Variants in VAV3 observed in about 807,000 individuals in gnomAD.
VAV3 encodes guanine nucleotide exchange factor VAV3.
VAV3 carries 94 observed loss-of-function variants against 131.2 expected under a neutral mutation model. The ratio of observed to expected loss-of-function variants is 0.72; its 90% CI spans 0.61 to 0.85. The LOEUF (loss-of-function observed/expected upper bound fraction) is 0.85, where lower values mean the gene tolerates loss of function less well. VAV3 is among the 40% of genes least tolerant of loss of function. The pLI is 0.00. For synonymous variants in VAV3, 349 were observed against 342.0 expected (o/e 1.02, Z -0.22); for missense variants, 939 against 1,002.7 (o/e 0.94, Z 0.86).
chr1:107,654,441 A>T (rs6672373), intron 19 of VAV3, among the ~76,000 whole-genome samples: 33,321 of 151,996 alleles, frequency 0.22, 3,719 homozygotes, highest in Middle Eastern at 0.28. Context: ...AATTTAAGGC[A>T]TTATCCTATA....
At chr1:107,788,652 C>T (rs1666138567) in intron 2 of VAV3, among the ~76,000 whole-genome samples, 1 of 152,176 alleles carries the variant, frequency 6.6e-6, no homozygotes, top group South Asian at 2.1e-4. Flanking sequence ...AAACCTGGAA[C>T]TCATCCATGC....
chr1:107,728,623 ATG>A (rs1491406150), intron 15 of VAV3, among the ~76,000 whole-genome samples: 2 of 103,432 alleles, frequency 1.9e-5, no homozygotes, highest in Non-Finnish European at 4.6e-5. Context: ...GTATATGTAT[ATG>A]TATATGTATA....
At chr1:107,841,298 T>C (rs1571026670) in intron 2 of VAV3, among the ~76,000 whole-genome samples, 1 of 149,362 alleles carries the variant, frequency 6.7e-6, no homozygotes, top group East Asian at 2.0e-4. Flanking sequence ...AAGGGGGGGG[T>C]AGAAAAAGAA....
intron 15 of VAV3, among the ~76,000 whole-genome samples, chr1:107,729,838 C>T (rs1044230975): frequency 3.3e-5 from 5 of 152,132 alleles, no homozygotes; most frequent in East Asian, 1.9e-4. Flanking sequence ...CCATAACAAA[C>T]GATAAAGAGT....
chr1:107,716,888 A>T (rs576897560), intron 15 of VAV3, among the ~76,000 whole-genome samples: 1 of 152,250 alleles, frequency 6.6e-6, no homozygotes, highest in Non-Finnish European at 1.5e-5. Flanking sequence ...TTGGTTGGTA[A>T]GCTATTAATT....
chr1:107,963,140 G>C (rs748709134), intron 1 of VAV3, among the ~76,000 whole-genome samples: 2 of 152,158 alleles, frequency 1.3e-5, no homozygotes, highest in East Asian at 3.9e-4. Context: ...CGTGATTATT[G>C]AGAGCAACTG....
At chr1:107,645,928 G>A (rs1207848918) in intron 19 of VAV3, among the ~76,000 whole-genome samples, 1 of 152,008 alleles carries the variant, frequency 6.6e-6, no homozygotes, top group African/African-American at 2.4e-5. Context: ...CTCAGTCATT[G>A]TTGCAGAGTT....
intron 20 of VAV3, among the ~76,000 whole-genome samples, chr1:107,638,363 CA>C (rs1249342147): frequency 6.6e-6 from 1 of 152,008 alleles, no homozygotes; most frequent in Non-Finnish European, 1.5e-5. Flanking sequence ...GATCAACATA[CA>C]AAAATCAATT....
chr1:107,601,097 C>A (rs1279640245), intron 24 of VAV3, among the ~76,000 whole-genome samples: 2 of 152,074 alleles, frequency 1.3e-5, no homozygotes, highest in African/African-American at 2.4e-5. Context: ...ATTTGTGCAT[C>A]CACTTGCCAC....
intron 25 of VAV3, among the ~76,000 whole-genome samples, chr1:107,577,976 T>C (rs1649771612): frequency 6.6e-6 from 1 of 152,224 alleles, no homozygotes; most frequent in South Asian, 2.1e-4. Context: ...TCTTCCAATA[T>C]ATTCTGCCTC....
chr1:107,574,082 C>T lies in VAV3; in HGVS notation c.2467G>A (p.Ala823Thr). The part of the protein sequence containing the change: ...DVVKIYTKMS[A>T]NGWWRGEVNG... ...ACTTCTCCTCTCCACCAGCCATTTG[C>T]ACTCATCTTTGTGTAAATCTTCACC... The change falls in exon 26 of 27, where the codon GCA (alanine) becomes ACA (threonine). Residue 823 changes from alanine to threonine, a missense_variant. By Grantham distance (58) the Ala-to-Thr change is moderately conservative. Transcript: ENST00000370056. 3 of 1,614,174 alleles carry T rather than the reference C, an allele frequency of 1.9e-6. No homozygotes were observed. The highest frequency in any genetic ancestry group is 1.3e-5 in the African/African-American group (1 of 75,064).
At chr1:107,957,402 T>C (rs1392260797) in intron 1 of VAV3, among the ~76,000 whole-genome samples, 1 of 152,152 alleles carries the variant, frequency 6.6e-6, no homozygotes, top group African/African-American at 2.4e-5. Context: ...CTCTCTATTG[T>C]GAGTGAACTT....
intron 25 of VAV3, among the ~76,000 whole-genome samples, chr1:107,580,674 T>C (rs533795154): frequency 6.6e-6 from 1 of 152,152 alleles, no homozygotes; most frequent in Non-Finnish European, 1.5e-5. Context: ...CTTAATTCCT[T>C]TGAGCTGGAA....
At position 107,616,454 on chromosome 1, in the gene VAV3, A is replaced by C. The variant is rs551038294; in HGVS notation, c.1980+1113T>G. The stretch of plus-strand genomic sequence containing the variant: ...CTCCTTGAGGGTGGAAGGTGGGAGG[A>C]GGGTGAGGATCTAAACACTACCTAT... On this transcript the variant is annotated intron_variant, in intron 21 of 26. Coordinates refer to ENST00000370056, the MANE Select transcript of VAV3 (RefSeq NM_006113.5). Among the ~76,000 whole-genome samples, 14 of 152,236 alleles carry C rather than the reference A, an allele frequency of 9.2e-5. No individual in the cohort carries two copies. In the South Asian group the frequency reaches 2.9e-3, roughly 32 times the overall value.
At position 107,699,737 on chromosome 1, in the gene VAV3, C is replaced by CT. The variant is rs545599451; in HGVS notation, c.1705+4812dup. On this transcript the variant is annotated intron_variant, in intron 17 of 26. Transcript: ENST00000370056. Reference sequence around the variant, plus strand: ...TCCCAAAGCTCGATTCTTTCTCTCTCTTTTTTTTTTTAAGTTGTGATAACA... The same window carrying CT: ...TCCCAAAGCTCGATTCTTTCTCTCTCTTTTTTTTTTTTAAGTTGTGATAACA... Among the ~76,000 whole-genome samples the CT allele has an allele frequency of 4.3e-3, 637 of 148,014 alleles. 2 individuals are homozygous for CT. The highest frequency in any genetic ancestry group is 0.013 in the African/African-American group (534 of 40,586).
intron 20 of VAV3, among the ~76,000 whole-genome samples, chr1:107,641,202 G>C (rs1387919993): frequency 1.3e-5 from 2 of 152,156 alleles, no homozygotes; most frequent in African/African-American, 2.4e-5. Context: ...GGTGGTTAGA[G>C]ACAAACGTTC....
At chr1:107,676,920 T>C (rs1234989237) in intron 19 of VAV3, among the ~76,000 whole-genome samples, 2 of 152,162 alleles carry the variant, frequency 1.3e-5, no homozygotes, top group African/African-American at 2.4e-5. Context: ...TGTTTGTATG[T>C]CTTAACTCTC....
At chr1:107,733,929 T>A (rs935050032) in intron 15 of VAV3, among the ~76,000 whole-genome samples, 2 of 151,576 alleles carry the variant, frequency 1.3e-5, no homozygotes, top group Non-Finnish European at 2.9e-5. Flanking sequence ...AAGGTTGAAA[T>A]GAAGGAAAAC....
At chr1:107,577,194 A>G (rs917768841) in intron 25 of VAV3, among the ~76,000 whole-genome samples, 1 of 152,222 alleles carries the variant, frequency 6.6e-6, no homozygotes, top group African/African-American at 2.4e-5. Context: ...CTTAATTGTC[A>G]CAGCTCTAAG....
Sources: allele counts gnomAD v4.1 joint callset (sites outside exome capture counted in the v4.1 genomes callset), GRCh38; gene constraint gnomAD v4.1.1; transcripts MANE v1.5; gene names NCBI Gene and HGNC (gene_info 2026-07-23, HGNC 2026-07-21).